The following TAFA2 variants were observed in gnomAD, a reference collection of about 807,000 sequenced individuals.
The protein encoded by TAFA2 is chemokine-like protein TAFA-2.
TAFA2 carries 7 observed loss-of-function variants against 18.8 expected under a neutral mutation model. The ratio of observed to expected loss-of-function variants is 0.37; its 90% CI spans 0.21 to 0.70. The LOEUF is 0.70. TAFA2 is among the 30% of genes least tolerant of loss of function. TAFA2 has a pLI of 0.53. For missense variants in TAFA2, 122 were observed against 158.1 expected, an observed-to-expected ratio of 0.77 and a Z score of 1.23; for synonymous variants, 60 against 54.2, an observed-to-expected ratio of 1.11 and a Z score of -0.47.
At chr12:62,148,045 C>T in intron 1 of TAFA2, among the ~76,000 whole-genome samples, 1 of 147,852 alleles carries the variant, frequency 6.8e-6, no homozygotes, top group Non-Finnish European at 1.5e-5. Flanking sequence ...ATGGCTATTA[C>T]TAAAAAGTCA....
intron 4 of TAFA2, among the ~76,000 whole-genome samples, chr12:61,725,923 G>C (rs527245146): frequency 6.6e-6 from 1 of 151,978 alleles, no homozygotes; most frequent in Non-Finnish European, 1.5e-5. Flanking sequence ...TGGGGAGAAG[G>C]GTTGGTGAGG....
At chr12:61,809,531 T>C (rs10877747) in intron 2 of TAFA2, among the ~76,000 whole-genome samples, 73,458 of 150,612 alleles carry the variant, frequency 0.49, 18,545 homozygotes, top group Admixed American at 0.55. Context: ...TAAAAATATG[T>C]CATACATAGC....
intron 1 of TAFA2, among the ~76,000 whole-genome samples, chr12:61,878,464 CT>C (rs1425285316): frequency 1.3e-5 from 2 of 152,146 alleles, no homozygotes; most frequent in Non-Finnish European, 2.9e-5. Flanking sequence ...TATTTGCTTA[CT>C]TGTTTATTGT....
chr12:61,955,632 A>ATATTTAT (rs1434243909), intron 1 of TAFA2, among the ~76,000 whole-genome samples: 1 of 41,210 alleles, frequency 2.4e-5, no homozygotes, highest in Non-Finnish European at 3.9e-5. Flanking sequence ...AAAAAAAAAA[A>ATATTTAT]ATATATATAT....
At chr12:61,966,602 C>T (rs1456218431) in intron 1 of TAFA2, among the ~76,000 whole-genome samples, 3 of 151,812 alleles carry the variant, frequency 2.0e-5, no homozygotes, top group Non-Finnish European at 4.4e-5. Context: ...TATGAGGTGC[C>T]ATTAATCATC....
At chr12:62,233,242 G>A (rs866792089) in intron 1 of TAFA2, among the ~76,000 whole-genome samples, 1 of 151,248 alleles carries the variant, frequency 6.6e-6, no homozygotes, top group East Asian at 2.0e-4. Context: ...CAACATGCCC[G>A]GCTAATTTTT....
rs184625529 is a variant in TAFA2 at position 61,892,882 on chromosome 12, G to A, written c.-1-25456C>T. On this transcript the variant is annotated intron_variant, in intron 1 of 4. Coordinates refer to ENST00000416284, the MANE Select transcript of TAFA2 (RefSeq NM_178539.5). The stretch of plus-strand genomic sequence containing the variant: ...TCCTAATAGTTTATAGAGTGAATAA[G>A]TAAATAAATAAATGTGTATATGTAT... 2.6e-5 allele frequency among the ~76,000 whole-genome samples: 4 copies of A among 152,234 alleles called. No individual in the cohort carries two copies. The East Asian group carries it at 7.7e-4, about 29-fold the overall frequency.
intron 4 of TAFA2, among the ~76,000 whole-genome samples, chr12:61,735,601 T>C (rs1220385421): frequency 1.3e-5 from 2 of 152,004 alleles, no homozygotes; most frequent in Non-Finnish European, 1.5e-5. Flanking sequence ...CATTATTGAG[T>C]AACTTCTATT....
intron 1 of TAFA2, among the ~76,000 whole-genome samples, chr12:61,914,411 G>C (rs1047992508): frequency 2.0e-5 from 3 of 152,158 alleles, no homozygotes; most frequent in Admixed American, 2.0e-4. Context: ...AAGTCGAATG[G>C]TATGGAAGTT....
intron 1 of TAFA2, among the ~76,000 whole-genome samples, chr12:62,073,668 T>C (rs1369809359): frequency 3.3e-5 from 5 of 152,158 alleles, no homozygotes. Context: ...AAATTTGACT[T>C]TAGGTCTGTT....
At chr12:61,903,520 C>T (rs12582688) in intron 1 of TAFA2, among the ~76,000 whole-genome samples, 41,623 of 151,968 alleles carry the variant, frequency 0.27, 6,140 homozygotes, top group East Asian at 0.44. Flanking sequence ...ACTTTTCTGT[C>T]GTCTTCACCA....
chr12:62,095,252 C>T (rs1868899402), intron 1 of TAFA2, among the ~76,000 whole-genome samples: 2 of 152,106 alleles, frequency 1.3e-5, no homozygotes. Context: ...GTGCTAGGCA[C>T]TCAGGCTGCA....
chr12:61,906,993 T>C lies in TAFA2; in HGVS notation c.-1-39567A>G, dbSNP rs1876384860. 3.9e-5 allele frequency among the ~76,000 whole-genome samples: 6 copies of C among 152,302 alleles called. No individual in the cohort carries two copies. The South Asian group carries it at 1.2e-3, about 32-fold the overall frequency. Reference sequence around the variant, plus strand: ...GTGCCATTAAAAGCATTCAGTTTTATGTATTCACAAAGACATGGTTTGGAA... The same window carrying C: ...GTGCCATTAAAAGCATTCAGTTTTACGTATTCACAAAGACATGGTTTGGAA... On this transcript the variant is annotated intron_variant, in intron 1 of 4. Coordinates refer to ENST00000416284, the MANE Select transcript of TAFA2 (RefSeq NM_178539.5).
chr12:61,731,792 A>G (rs978753590), intron 4 of TAFA2, among the ~76,000 whole-genome samples: 2 of 152,142 alleles, frequency 1.3e-5, no homozygotes, highest in African/African-American at 4.8e-5. Flanking sequence ...CCAAAGATGC[A>G]GGGAAGCAGG....
At chr12:61,943,582 A>C (rs1334905771) in intron 1 of TAFA2, among the ~76,000 whole-genome samples, 1 of 150,724 alleles carries the variant, frequency 6.6e-6, no homozygotes, top group East Asian at 2.0e-4. Context: ...AGACACACAT[A>C]GGCTCAAAAT....
chr12:61,962,928 A>G (rs917202612), intron 1 of TAFA2, among the ~76,000 whole-genome samples: 3 of 151,946 alleles, frequency 2.0e-5, no homozygotes, highest in South Asian at 4.1e-4. Flanking sequence ...GGCTGTGTCC[A>G]TGTGTTCTCA....
At position 61,794,344 on chromosome 12, in the gene TAFA2, T is replaced by C. The variant is rs567709374; in HGVS notation, c.107-39320A>G. On this transcript the variant is annotated intron_variant, in intron 2 of 4. Transcript: ENST00000416284. The stretch of plus-strand genomic sequence containing the variant: ...TATTAGAATTAATTGAGTTTACTAT[T>C]AACATAAAAATCATTTGTATATCTA... 4.6e-5 allele frequency among the ~76,000 whole-genome samples: 7 copies of C among 152,150 alleles called. No individual in the cohort carries two copies. The South Asian group carries it at 1.4e-3, about 31-fold the overall frequency.
chr12:62,085,779 A>T (rs934449708), intron 1 of TAFA2, among the ~76,000 whole-genome samples: 5 of 152,124 alleles, frequency 3.3e-5, no homozygotes, highest in Admixed American at 2.0e-4. Flanking sequence ...TAAGATTCTG[A>T]TATGGTTTGT....
intron 1 of TAFA2, among the ~76,000 whole-genome samples, chr12:62,103,923 T>A (rs982715507): frequency 3.3e-5 from 5 of 152,134 alleles, no homozygotes; most frequent in Non-Finnish European, 7.4e-5. Context: ...TGAAACTCCA[T>A]CCTCCTCTAA....
Sources: allele counts gnomAD v4.1 joint callset (sites outside exome capture counted in the v4.1 genomes callset), GRCh38; gene constraint gnomAD v4.1.1; transcripts MANE v1.5; gene names NCBI Gene and HGNC (gene_info 2026-07-23, HGNC 2026-07-21).